The following PTBP3 variants were observed in gnomAD, a reference collection of about 807,000 sequenced individuals.
The protein encoded by PTBP3 is polypyrimidine tract-binding protein 3.
In PTBP3, 20 loss-of-function variants were observed where a neutral mutation model predicts 58.7. The observed-to-expected ratio is 0.34, with a 90% CI of 0.24 to 0.50. The LOEUF (loss-of-function observed/expected upper bound fraction) is 0.50. PTBP3 is among the 20% of genes least tolerant of loss of function. PTBP3 has a pLI of 0.98. For synonymous variants in PTBP3, 185 were observed against 219.8 expected, an observed-to-expected ratio of 0.84 and a Z score of 1.40; for missense variants, 509 against 637.2, an observed-to-expected ratio of 0.80 and a Z score of 2.17.
chr9:112,316,118 T>C (rs923402152), intron 1 of PTBP3, among the ~76,000 whole-genome samples: 20 of 152,168 alleles, frequency 1.3e-4, no homozygotes, highest in Non-Finnish European at 2.1e-4. Context: ...AGCATATGCA[T>C]TACACCTGGA....
chr9:112,323,005 G>C (rs1169042802), intron 1 of PTBP3, among the ~76,000 whole-genome samples: 2 of 152,170 alleles, frequency 1.3e-5, no homozygotes, highest in Non-Finnish European at 2.9e-5. Flanking sequence ...CCCAAGACTT[G>C]GGGAGGCTGA....
At chr9:112,312,597 G>A (rs1267547762) in intron 1 of PTBP3, among the ~76,000 whole-genome samples, 1 of 105,466 alleles carries the variant, frequency 9.5e-6, no homozygotes, top group Non-Finnish European at 1.9e-5. Flanking sequence ...AATGATAAAT[G>A]AAAAATGGTG....
At position 112,276,004 on chromosome 9, in the gene PTBP3, T is replaced by C. The variant is rs1354534857; in HGVS notation, c.44A>G (p.Asn15Ser). 6 of 1,612,224 alleles carry C rather than the reference T, an allele frequency of 3.7e-6. No individual in the cohort carries two copies. The South Asian group carries it at 6.6e-5, about 18-fold the overall frequency. Reference protein sequence around the residue: ...TPSTGVYANGNDSKKFKRDRP... With the variant: ...TPSTGVYANGSDSKKFKRDRP... ...ATCTCGTTTAAATTTCTTGCTGTCA[T>C]TCCCATTAGCTAAAAAACATAAGAT... The change falls in exon 3 of 14, where the codon AAT becomes AGT. Residue 15 changes from asparagine (N) to serine (S), a missense_variant. Physicochemically the swap from Asn to Ser is conservative, Grantham distance 46. This residue lies in a region of PTBP3 where 212 missense variants were observed against 215.3 expected (regional missense o/e 0.98). Transcript: ENST00000374257.
intron 12 of PTBP3, among the ~76,000 whole-genome samples, chr9:112,226,914 C>T (rs543095283): frequency 2.6e-5 from 4 of 152,276 alleles, no homozygotes; most frequent in Non-Finnish European, 4.4e-5. Flanking sequence ...AGCACACATA[C>T]AACACTGGTT....
chr9:112,357,617 G>T, the PTBP3 span, among the ~76,000 whole-genome samples: 5 of 152,078 alleles, frequency 3.3e-5, no homozygotes, highest in African/African-American at 4.8e-5. Context: ...CCAAAGTGTT[G>T]GGATTACAGG....
At chr9:112,331,358 T>C (rs1830368261) in intron 1 of PTBP3, among the ~76,000 whole-genome samples, 1 of 152,180 alleles carries the variant, frequency 6.6e-6, no homozygotes, top group Non-Finnish European at 1.5e-5. Flanking sequence ...ATTCTTCTCT[T>C]CTAAGCCCCA....
chr9:112,234,729 T>C, intron 8 of PTBP3, 91 bp downstream of exon 8: 2 of 1,250,972 alleles, frequency 1.6e-6, no homozygotes, highest in Non-Finnish European at 1.1e-6. Flanking sequence ...GGTAAATTCT[T>C]CAAATATGAT....
chr9:112,345,390 T>C, the PTBP3 span, among the ~76,000 whole-genome samples: 1 of 150,638 alleles, frequency 6.6e-6, no homozygotes, highest in African/African-American at 2.4e-5. Context: ...ATTTTTTTTT[T>C]TTGAGATCAG....
At chr9:112,315,764 T>C (rs1197888859) in intron 1 of PTBP3, among the ~76,000 whole-genome samples, 2 of 152,140 alleles carry the variant, frequency 1.3e-5, no homozygotes, top group Non-Finnish European at 2.9e-5. Context: ...ATAATACCAA[T>C]CTTACACAAA....
the PTBP3 span, among the ~76,000 whole-genome samples, chr9:112,349,872 A>AAAAAAG: frequency 1.3e-5 from 2 of 149,204 alleles, no homozygotes; most frequent in South Asian, 4.2e-4. Flanking sequence ...TCAAAAAAAA[A>AAAAAAG]AAAAAAAAAA....
At chr9:112,231,907 AAGAAAAGAAG>A (rs1222884222) in intron 9 of PTBP3, among the ~76,000 whole-genome samples, 182 bp downstream of exon 9, 20 of 130,056 alleles carry the variant, frequency 1.5e-4, no homozygotes, top group African/African-American at 4.8e-4. Flanking sequence ...CCTTTCTGAA[AAGAAAAGAAG>A]AGAAGAGAAG....
At chr9:112,378,375 A>C in the PTBP3 span, among the ~76,000 whole-genome samples, 1 of 152,224 alleles carries the variant, frequency 6.6e-6, no homozygotes, top group African/African-American at 2.4e-5. Flanking sequence ...AAAAATTGGC[A>C]AAGGTTTTTT....
the PTBP3 span, among the ~76,000 whole-genome samples, chr9:112,379,473 T>C: frequency 6.8e-6 from 1 of 147,034 alleles, no homozygotes; most frequent in African/African-American, 2.5e-5. Context: ...TGACTATGAA[T>C]TCTTCAGCGC....
chr9:112,319,159 T>C (rs1358258436), intron 1 of PTBP3, among the ~76,000 whole-genome samples: 1 of 148,120 alleles, frequency 6.8e-6, no homozygotes, highest in East Asian at 2.0e-4. Context: ...GAAAATTTCA[T>C]TTACAATAGC....
At chr9:112,275,702 C>A (rs567363535) in intron 3 of PTBP3, 142 bp downstream of exon 3, 3 of 681,916 alleles carry the variant, frequency 4.4e-6, no homozygotes, top group East Asian at 3.1e-5. Context: ...TTACACCCCC[C>A]CAAAAAAATC....
chr9:112,237,244 A>G (rs1186350467), intron 7 of PTBP3, among the ~76,000 whole-genome samples: 1 of 152,196 alleles, frequency 6.6e-6, no homozygotes, highest in African/African-American at 2.4e-5. Flanking sequence ...TATATAATCC[A>G]CACTCCCTAA....
chr9:112,334,485 T>C (rs957809104), upstream of PTBP3, among the ~76,000 whole-genome samples: 4 of 152,186 alleles, frequency 2.6e-5, no homozygotes, highest in African/African-American at 7.2e-5. Flanking sequence ...ATATATAATA[T>C]AACGAGTGAC....
At position 112,259,317 on chromosome 9, in the gene PTBP3, T is replaced by C. The variant is rs190482690; in HGVS notation, c.516+3118A>G. ...AACATAAATGATATAATCTCACTGT[T>C]CCATTCAAAATCCTCCAAAGGTTTC... is the stretch of plus-strand genomic sequence containing the variant. On this transcript the variant is annotated intron_variant, in intron 5 of 13. Transcript: ENST00000374257. Among the ~76,000 whole-genome samples the C allele has an allele frequency of 4.6e-5, 7 of 152,264 alleles. No homozygotes were observed. In the East Asian group the frequency reaches 1.4e-3, roughly 29 times the overall value.
intron 7 of PTBP3, among the ~76,000 whole-genome samples, chr9:112,245,046 T>C (rs1051340560): frequency 6.6e-6 from 1 of 152,128 alleles, no homozygotes; most frequent in Non-Finnish European, 1.5e-5. Flanking sequence ...CAGTAGCTCA[T>C]ACCTGTAATC....
Sources: gnomAD v4.1 joint callset for allele counts (sites outside exome capture counted in the v4.1 genomes callset) on GRCh38, gnomAD v4.1.1 for gene constraint, gnomAD v4.1.1 regional missense constraint, MANE v1.5 for transcripts, NCBI Gene and HGNC (gene_info 2026-07-23, HGNC 2026-07-21) for gene names.